KNG1: variants seen among roughly 807,000 people sequenced by gnomAD.
The protein encoded by KNG1 is kininogen 1.
KNG1 carries 23 observed loss-of-function variants against 47.8 expected under a neutral mutation model. The ratio of observed to expected loss-of-function variants is 0.48; its 90% confidence interval spans 0.35 to 0.68. KNG1 has a LOEUF of 0.68. KNG1 is among the 30% of genes least tolerant of loss of function. The pLI is 0.01. For synonymous variants in KNG1, 277 were observed against 277.0 expected, an observed-to-expected ratio of 1.00 and a Z score of 0.00; for missense variants, 762 against 790.2, an observed-to-expected ratio of 0.96 and a Z score of 0.43.
intron 4 of KNG1, among the ~76,000 whole-genome samples, chr3:186,725,569 G>A (rs770551049): frequency 1.9e-3 from 61 of 31,978 alleles, no homozygotes; most frequent in Non-Finnish European, 3.6e-3. Flanking sequence ...TTTTGAGACA[G>A]AGTCTCTCTC....
chr3:186,722,587 A>T, intron 3 of KNG1, 66 bp downstream of exon 3: 1 of 1,248,572 alleles, frequency 8.0e-7, no homozygotes. Context: ...CCAGGAACAC[A>T]ATCTTGACCA....
In KNG1 at chr3:186,741,556, C is replaced by A; in HGVS notation, c.1160C>A (p.Pro387His). The change falls in exon 10 of 10, where the codon CCT becomes CAT. Residue 387 changes from proline to histidine, a missense_variant. Physicochemically the swap from Pro to His is moderately conservative, Grantham distance 77. Transcript: ENST00000644859. ...SLMKRPPGFS[P>H]FRSSRIGEIK... is the part of the protein sequence containing the mutation. Reference sequence around the variant, plus strand: ...ATGAAAAGGCCTCCAGGTTTTTCACCTTTCCGATCATCACGAATAGGGGAA... The same window carrying A: ...ATGAAAAGGCCTCCAGGTTTTTCACATTTCCGATCATCACGAATAGGGGAA... 1 of 1,609,444 alleles carries A rather than the reference C, an allele frequency of 6.2e-7. No individual in the cohort carries two copies.
At chr3:186,730,703 TATATATATATATACACACAC>T (rs1560065978) in intron 5 of KNG1, among the ~76,000 whole-genome samples, 28 of 98,036 alleles carry the variant, frequency 2.9e-4, no homozygotes, top group East Asian at 2.7e-3. Flanking sequence ...TATATATATA[TATATATATATATACACACAC>T]ACACACATAT....
intron 3 of KNG1, among the ~76,000 whole-genome samples, chr3:186,723,742 G>A (rs898377025): frequency 6.8e-6 from 1 of 148,000 alleles, no homozygotes; most frequent in African/African-American, 2.5e-5. Context: ...GCAACCTCCC[G>A]GGTTCAAGCA....
At position 186,739,391 on chromosome 3, in the gene KNG1, G is replaced by A. The variant is rs538533721; in HGVS notation, c.1102G>A (p.Val368Ile). The change falls in exon 9 of 10, where the codon GTC becomes ATC. Residue 368 changes from valine (V) to isoleucine (I), a missense_variant. Physicochemically the swap from Val to Ile is conservative, Grantham distance 29. Coordinates refer to ENST00000644859, the MANE Select transcript of KNG1 (RefSeq NM_001102416.3). ...CTGGGAGAAAAAAATTTACCCTACT[G>A]TCAACTGTCAACCACTGGGAATGGT... ...VPWEKKIYPT[V>I]NCQPLGMISL... is the part of the protein sequence containing the mutation. 16 of 1,610,510 alleles carry A rather than the reference G, an allele frequency of 9.9e-6. 1 individual carries two copies. In the South Asian group the frequency reaches 1.5e-4, roughly 15 times the overall value.
chr3:186,738,135 GC>G (rs1369142792), intron 7 of KNG1, among the ~76,000 whole-genome samples: 3 of 151,874 alleles, frequency 2.0e-5, no homozygotes, highest in Admixed American at 1.3e-4. Context: ...GCATCACAAA[GC>G]CCATCTAATT....
chr3:186,732,408 C>T, intron 6 of KNG1, 94 bp from the exon 7 acceptor site: 1 of 1,218,498 alleles, frequency 8.2e-7, no homozygotes, highest in Non-Finnish European at 1.2e-6. Context: ...CATGTAGCCC[C>T]TTATACATGT....
chr3:186,726,143 C>T (rs889728203), intron 4 of KNG1, among the ~76,000 whole-genome samples: 3 of 151,888 alleles, frequency 2.0e-5, no homozygotes, highest in South Asian at 2.1e-4. Flanking sequence ...GGTGGCCAAG[C>T]GGGTGGTCTC....
At chr3:186,730,775 C>A (rs1004975759) in intron 5 of KNG1, among the ~76,000 whole-genome samples, 1 of 137,544 alleles carries the variant, frequency 7.3e-6, no homozygotes, top group Non-Finnish European at 1.5e-5. Context: ...TATACACACA[C>A]ACAAATACAT....
Position 186,719,728 on chromosome 3 carries a change from C to CAA in KNG1, c.196-364_196-363dup, listed in dbSNP as rs398063105. 8.7e-4 allele frequency among the ~76,000 whole-genome samples: 104 copies of CAA among 119,260 alleles called. 3 individuals carry two copies. The highest frequency in any genetic ancestry group is 4.2e-3 in the Middle Eastern group (1 of 238). The allele number at this position is 119,260 out of a possible 152,430, so 78.2% of individuals were successfully genotyped here. A position where few individuals can be genotyped will look rare whatever the true frequency, so the allele number is the denominator to read the frequency against. On this transcript the variant is annotated intron_variant, in intron 1 of 9. Transcript: ENST00000644859. ...TGGGCGACAGAGCGAGACTCCATCT[C>CAA]AAAAAAAAAAAAAAGAAATGTTTGC...
At chr3:186,737,075 A>T (rs1290675546) in intron 7 of KNG1, among the ~76,000 whole-genome samples, 1 of 152,146 alleles carries the variant, frequency 6.6e-6, no homozygotes, top group Non-Finnish European at 1.5e-5. Context: ...CCAGTTGAGG[A>T]TCTTAATTTG....
chr3:186,717,668 G>A lies in KNG1; in HGVS notation c.126G>A (p.Lys42=). ...DLFKAVDAAL[K]KYNSQNQSNN... is the part of the protein sequence containing the mutation. ...TTAAAGCTGTGGATGCTGCTCTGAA[G>A]AAATATAACAGTCAAAACCAAAGTA... The change falls in exon 1 of 10, where the codon AAG becomes AAA. Residue 42 remains lysine, a synonymous_variant. Transcript: ENST00000644859. 1 of 1,613,170 alleles carries A rather than the reference G, an allele frequency of 6.2e-7. No individual in the cohort carries two copies. The highest frequency in any genetic ancestry group is 8.5e-7 in the Non-Finnish European group (1 of 1,179,812).
intron 4 of KNG1, among the ~76,000 whole-genome samples, chr3:186,725,664 C>A (rs1307602790): frequency 1.3e-5 from 2 of 149,906 alleles, no homozygotes; most frequent in South Asian, 4.2e-4. Context: ...CCTGCCTCAG[C>A]CTCCTGAGTA....
Position 186,741,941 on chromosome 3 carries a change from G to A in KNG1, c.1545G>A (p.Lys515=), listed in dbSNP as rs1720824684. Residue 515 remains lysine, a synonymous_variant, in exon 10 of 10, where the codon AAG becomes AAA. Transcript: ENST00000644859. ...KHKNKGKKNG[K]HNGWKTEHLA... is the part of the protein sequence containing the mutation. ...AAAATAAAGGCAAAAAGAATGGAAAGCACAATGGTTGGAAAACAGAGCATT... is the reference window on the plus strand; with the variant it reads ...AAAATAAAGGCAAAAAGAATGGAAAACACAATGGTTGGAAAACAGAGCATT... The A allele has an allele frequency of 1.2e-6, 2 of 1,614,206 alleles. No individual in the cohort carries two copies. Among genetic ancestry groups the A allele is most frequent in the Non-Finnish European group, 1.7e-6 (2 of 1,180,030 alleles).
intron 5 of KNG1, among the ~76,000 whole-genome samples, 196 bp from the exon 6 acceptor site, chr3:186,731,349 G>A (rs1445052020): frequency 6.6e-6 from 1 of 151,974 alleles, no homozygotes; most frequent in African/African-American, 2.4e-5. Flanking sequence ...TCATGTATAT[G>A]CATGTATTTG....
chr3:186,731,512 T>TA (rs745994011), intron 5 of KNG1, 33 bp from the exon 6 acceptor site: 1 of 1,345,928 alleles, frequency 7.4e-7, no homozygotes, highest in Non-Finnish European at 1.1e-6. Flanking sequence ...AAAATGTTTT[T>TA]AACTGAGCAC....
chr3:186,731,296 A>C (rs578092770), intron 5 of KNG1, among the ~76,000 whole-genome samples: 3 of 152,056 alleles, frequency 2.0e-5, no homozygotes, highest in Admixed American at 6.6e-5. Flanking sequence ...TTTTACTTAC[A>C]TGGCTGTTAT....
intron 6 of KNG1, among the ~76,000 whole-genome samples, 195 bp from the exon 7 acceptor site, chr3:186,732,307 A>T (rs562841994): frequency 1.3e-5 from 2 of 152,324 alleles, no homozygotes; most frequent in South Asian, 4.1e-4. Context: ...TTCCCTAAGT[A>T]CACTGTGCTC....
intron 4 of KNG1, among the ~76,000 whole-genome samples, chr3:186,726,086 A>G (rs1720363114): frequency 6.6e-6 from 1 of 151,704 alleles, no homozygotes; most frequent in South Asian, 2.1e-4. Flanking sequence ...GCTCATCACC[A>G]TGTCTTGCTA....
Sources: allele counts gnomAD v4.1 joint callset (sites outside exome capture counted in the v4.1 genomes callset), GRCh38; gene constraint gnomAD v4.1.1; transcripts MANE v1.5; gene names NCBI Gene and HGNC (gene_info 2026-07-23, HGNC 2026-07-21).